The following THRB variants were observed in gnomAD, a reference collection of about 807,000 sequenced individuals.
THRB encodes nuclear receptor subfamily 1 group A member 2.
Under a neutral mutation model 47.8 loss-of-function variants are expected in THRB, and 12 were observed. The ratio of observed to expected loss-of-function variants is 0.25; its 90% CI spans 0.16 to 0.41. THRB has a LOEUF of 0.41. Ranked by LOEUF, THRB falls within the 10% of genes least tolerant of loss-of-function variation. The pLI, the probability that THRB is intolerant of heterozygous loss-of-function variation, is 1.00. For missense variants in THRB, 348 were observed against 589.2 expected (o/e 0.59, Z 4.24); for synonymous variants, 218 against 212.2 (o/e 1.03, Z -0.24).
chr3:24,263,505 T>G (rs1009653475), intron 3 of THRB, among the ~76,000 whole-genome samples: 1 of 151,994 alleles, frequency 6.6e-6, no homozygotes, highest in African/African-American at 2.4e-5. Context: ...ATATGTCCAG[T>G]TTCCTAGTAT....
chr3:24,234,975 CG>C (rs2048714679), intron 3 of THRB, among the ~76,000 whole-genome samples: 1 of 152,128 alleles, frequency 6.6e-6, no homozygotes, highest in African/African-American at 2.4e-5. Flanking sequence ...TGGGGAGCCA[CG>C]GAAGGTCTTT....
At chr3:24,458,926 T>G (rs1193509440) in intron 1 of THRB, 1 of 151,062 alleles carries the variant, frequency 6.6e-6, no homozygotes, top group East Asian at 1.9e-4. Context: ...TACTTTCTGA[T>G]ATTTATGTAT....
chr3:24,228,130 AACCAGAGTTCTCCAGCTTTGTTT>A (rs2047861872), intron 4 of THRB, among the ~76,000 whole-genome samples: 1 of 152,108 alleles, frequency 6.6e-6, no homozygotes. Flanking sequence ...TTTTAGAGAG[AACCAGAGTTCTCCAGCTTTGTTT>A]ACTTGTTTTT....
chr3:24,280,207 G>A (rs1418053607), intron 3 of THRB, among the ~76,000 whole-genome samples: 1 of 152,146 alleles, frequency 6.6e-6, no homozygotes, highest in South Asian at 2.1e-4. Flanking sequence ...TTTGAAGAGA[G>A]CAGTGGTTCT....
chr3:24,320,658 T>C (rs1245921781), intron 2 of THRB, among the ~76,000 whole-genome samples: 1 of 152,088 alleles, frequency 6.6e-6, no homozygotes, highest in African/African-American at 2.4e-5. Flanking sequence ...AAATATCAAG[T>C]GTAAATATCT....
intron 1 of THRB, among the ~76,000 whole-genome samples, chr3:24,420,165 T>C (rs2069108429): frequency 6.6e-6 from 1 of 151,916 alleles, no homozygotes; most frequent in Admixed American, 6.6e-5. Flanking sequence ...TCTTTTTCTC[T>C]TACACATGTT....
At chr3:24,429,604 ATAGT>A (rs1410240841) in intron 1 of THRB, among the ~76,000 whole-genome samples, 12 of 152,238 alleles carry the variant, frequency 7.9e-5, no homozygotes, top group African/African-American at 2.9e-4. Flanking sequence ...ATGGTTGTAG[ATAGT>A]TGACATAATC....
At chr3:24,164,640 CA>C (rs1197709477) in intron 5 of THRB, among the ~76,000 whole-genome samples, 2 of 152,168 alleles carry the variant, frequency 1.3e-5, no homozygotes, top group African/African-American at 2.4e-5. Flanking sequence ...AAGGAAAAGT[CA>C]AATGAGTTTT....
chr3:24,288,962 A>G (rs2055632594), intron 3 of THRB, among the ~76,000 whole-genome samples: 1 of 152,228 alleles, frequency 6.6e-6, no homozygotes, highest in Non-Finnish European at 1.5e-5. Context: ...CACCAAAGCA[A>G]TGCCAGAAAC....
intron 1 of THRB, among the ~76,000 whole-genome samples, chr3:24,415,011 G>A (rs2068625891): frequency 6.6e-6 from 1 of 151,864 alleles, no homozygotes; most frequent in Admixed American, 6.6e-5. Context: ...TGCACATCTT[G>A]TGAATAGAGG....
At chr3:24,301,672 G>C (rs2056954030) in intron 2 of THRB, among the ~76,000 whole-genome samples, 1 of 152,142 alleles carries the variant, frequency 6.6e-6, no homozygotes. Context: ...TAAAATGTTT[G>C]TGGTAGGCAC....
At chr3:24,357,851 C>G (rs1414584364) in intron 1 of THRB, among the ~76,000 whole-genome samples, 1 of 152,142 alleles carries the variant, frequency 6.6e-6, no homozygotes, top group Non-Finnish European at 1.5e-5. Flanking sequence ...TCATACACTT[C>G]CGTCATTTTG....
chr3:24,245,643 T>C (rs2050037349), intron 3 of THRB, among the ~76,000 whole-genome samples: 2 of 152,188 alleles, frequency 1.3e-5, no homozygotes, highest in Admixed American at 1.3e-4. Context: ...TCAGGTGCAG[T>C]GGCTCACACC....
chr3:24,293,283 A>G (rs575925187), intron 3 of THRB, among the ~76,000 whole-genome samples: 1 of 152,226 alleles, frequency 6.6e-6, no homozygotes, highest in East Asian at 1.9e-4. Context: ...TCCCAGTATC[A>G]TTCAATCATA....
At chr3:24,237,057 C>T (rs763210633) in intron 3 of THRB, among the ~76,000 whole-genome samples, 2 of 152,122 alleles carry the variant, frequency 1.3e-5, no homozygotes, top group South Asian at 2.1e-4. Context: ...GAAAAGCTAG[C>T]GTAGTTAGAC....
chr3:24,233,595 G>GAAAGAAAGAAAGAGAAAGAAAGAAAAAT (rs2048531845), intron 3 of THRB, among the ~76,000 whole-genome samples: 34 of 143,966 alleles, frequency 2.4e-4, no homozygotes, highest in African/African-American at 8.3e-4. Context: ...AAGAAAGAAA[G>GAAAGAAAGAAAGAGAAAGAAAGAAAAAT]AAAGAAAGAA....
intron 1 of THRB, among the ~76,000 whole-genome samples, chr3:24,417,272 ACGC>A (rs1560137533): frequency 7.2e-5 from 11 of 151,910 alleles, no homozygotes; most frequent in Non-Finnish European, 1.5e-4. Context: ...TTGAGAGAAC[ACGC>A]TAATAATGTA....
intron 1 of THRB, among the ~76,000 whole-genome samples, chr3:24,344,741 C>A (rs2062898031): frequency 6.6e-6 from 1 of 151,914 alleles, no homozygotes; most frequent in South Asian, 2.1e-4. Context: ...ATTCTTACTC[C>A]TGTGATACAC....
At chr3:24,489,530 A>G (rs989306461) in intron 1 of THRB, among the ~76,000 whole-genome samples, 2 of 152,180 alleles carry the variant, frequency 1.3e-5, no homozygotes, top group African/African-American at 4.8e-5. Context: ...AAAAGCTACA[A>G]TATGGTTCTC....
Sources: allele counts gnomAD v4.1 joint callset (sites outside exome capture counted in the v4.1 genomes callset), GRCh38; gene constraint gnomAD v4.1.1; transcripts MANE v1.5; gene names NCBI Gene and HGNC (gene_info 2026-07-23, HGNC 2026-07-21).